STX8: variants seen among roughly 807,000 people sequenced by gnomAD.
The protein encoded by STX8 is syntaxin 8, also known as syntaxin-8.
A neutral mutation model predicts 37.5 loss-of-function variants in STX8; 23 were observed. The ratio of observed to expected loss-of-function variants is 0.61; its 90% CI spans 0.44 to 0.87. The LOEUF (loss-of-function observed/expected upper bound fraction) is 0.87. Among genes scored for constraint, STX8 ranks in the 40% least tolerant of loss-of-function variants. The probability of loss-of-function intolerance (pLI) is 0.00; values close to 1 mark genes in which losing one functional copy is unlikely to be tolerated. For missense variants in STX8, 313 were observed against 284.7 expected (o/e 1.10, Z -0.71); for synonymous variants, 115 against 99.1 (o/e 1.16, Z -0.95).
chr17:9,268,060 T>C (rs190893650), intron 7 of STX8, among the ~76,000 whole-genome samples: 184 of 151,660 alleles, frequency 1.2e-3, no homozygotes, highest in Non-Finnish European at 2.3e-3. Context: ...AGATTTGTTC[T>C]CACGGAAGGG....
intron 4 of STX8, among the ~76,000 whole-genome samples, chr17:9,543,256 ACT>A (rs1906354078): frequency 6.6e-6 from 1 of 150,712 alleles, no homozygotes; most frequent in African/African-American, 2.4e-5. Flanking sequence ...GACTAAAAAG[ACT>A]CTGCCTTCAG....
chr17:9,434,664 G>C (rs1437150630), intron 6 of STX8, among the ~76,000 whole-genome samples: 1 of 152,238 alleles, frequency 6.6e-6, no homozygotes, highest in East Asian at 1.9e-4. Context: ...CTTCACCCAG[G>C]AAAGAATTCA....
At chr17:9,446,683 C>T (rs1904862907) in intron 6 of STX8, among the ~76,000 whole-genome samples, 1 of 152,120 alleles carries the variant, frequency 6.6e-6, no homozygotes, top group African/African-American at 2.4e-5. Context: ...TAGCAGTTTC[C>T]AGAGAGTTGC....
rs542141625 is a variant in STX8 at position 9,266,265 on chromosome 17, G to C, written c.644-15620C>G. Reference sequence around the variant, plus strand: ...TGGCAGTGGGTGCCAGCACTTTCCAGAACAGGGGTGCCCCAGCCAGCGCAC... The same window carrying C: ...TGGCAGTGGGTGCCAGCACTTTCCACAACAGGGGTGCCCCAGCCAGCGCAC... On this transcript the variant is annotated intron_variant, in intron 7 of 7. Coordinates refer to ENST00000306357, the MANE Select transcript of STX8 (RefSeq NM_004853.3). 3.3e-4 allele frequency among the ~76,000 whole-genome samples: 50 copies of C among 152,308 alleles called. No homozygotes were observed. In the South Asian group the frequency reaches 6.4e-3, roughly 20 times the overall value.
intron 7 of STX8, among the ~76,000 whole-genome samples, chr17:9,325,545 A>G (rs561692179): frequency 2.0e-5 from 3 of 152,208 alleles, no homozygotes; most frequent in Admixed American, 6.5e-5. Context: ...TGCTGTTGCC[A>G]TCTTGACATT....
chr17:9,281,426 T>C (rs529279408), intron 7 of STX8, among the ~76,000 whole-genome samples: 6 of 152,074 alleles, frequency 3.9e-5, no homozygotes, highest in Non-Finnish European at 8.8e-5. Context: ...CTGGAGAAGA[T>C]CGTGAGCCTA....
At chr17:9,384,893 C>A (rs1911938906) in intron 6 of STX8, among the ~76,000 whole-genome samples, 1 of 147,234 alleles carries the variant, frequency 6.8e-6, no homozygotes, top group South Asian at 2.1e-4. Context: ...GCTGGAAAAA[C>A]TGGATATATG....
chr17:9,480,735 G>A (rs935567423), intron 6 of STX8, among the ~76,000 whole-genome samples: 3 of 152,160 alleles, frequency 2.0e-5, no homozygotes, highest in African/African-American at 7.2e-5. Context: ...GCCAGCCAAA[G>A]TCCGCTGAAT....
chr17:9,515,599 C>T (rs1216737565), intron 4 of STX8, among the ~76,000 whole-genome samples: 1 of 152,154 alleles, frequency 6.6e-6, no homozygotes, highest in Non-Finnish European at 1.5e-5. Context: ...CATCTCTCAC[C>T]ACACCCTTGA....
At chr17:9,454,125 T>A (rs912685616) in intron 6 of STX8, among the ~76,000 whole-genome samples, 1 of 152,262 alleles carries the variant, frequency 6.6e-6, no homozygotes, top group African/African-American at 2.4e-5. Context: ...ATTTCAGCTA[T>A]AGTCCTAAAA....
chr17:9,454,995 C>T (rs1382642492), intron 6 of STX8, among the ~76,000 whole-genome samples: 1 of 152,058 alleles, frequency 6.6e-6, no homozygotes, highest in East Asian at 1.9e-4. Flanking sequence ...GCGGGAGCAT[C>T]ACTTGAGGTC....
intron 6 of STX8, among the ~76,000 whole-genome samples, chr17:9,471,916 C>T (rs921593083): frequency 2.0e-5 from 3 of 152,148 alleles, no homozygotes; most frequent in Admixed American, 6.5e-5. Flanking sequence ...TCCATTCCCG[C>T]TATTCACAGT....
chr17:9,526,660 A>G (rs1317535005), intron 4 of STX8, among the ~76,000 whole-genome samples: 1 of 152,222 alleles, frequency 6.6e-6, no homozygotes. Context: ...TCAAGAGGTC[A>G]GGAAATCAAG....
chr17:9,368,474 C>G (rs1242855222), intron 7 of STX8, among the ~76,000 whole-genome samples: 1 of 152,112 alleles, frequency 6.6e-6, no homozygotes, highest in Non-Finnish European at 1.5e-5. Context: ...GCCTGGGTGA[C>G]AGAGCGAGAC....
intron 4 of STX8, among the ~76,000 whole-genome samples, chr17:9,528,284 T>C (rs146431028): frequency 1.4e-4 from 22 of 151,880 alleles, no homozygotes; most frequent in Non-Finnish European, 2.8e-4. Context: ...GTATGAACTT[T>C]TGAGTTACAC....
chr17:9,278,514 C>G (rs4791825), intron 7 of STX8, among the ~76,000 whole-genome samples: 6,437 of 151,374 alleles, frequency 0.043, 167 homozygotes, highest in South Asian at 0.057. Context: ...TAAGCAAGGG[C>G]GGCTATAGTG....
At chr17:9,397,709 C>A (rs1912453352) in intron 6 of STX8, among the ~76,000 whole-genome samples, 2 of 152,072 alleles carry the variant, frequency 1.3e-5, no homozygotes, top group African/African-American at 4.8e-5. Context: ...GGCACGGTAG[C>A]TCACACCTGT....
intron 7 of STX8, among the ~76,000 whole-genome samples, chr17:9,295,821 G>C (rs1484736365): frequency 8.2e-6 from 1 of 122,304 alleles, no homozygotes; most frequent in Admixed American, 8.2e-5. Context: ...AAGACAGGTG[G>C]ATCACCTGAG....
At chr17:9,448,266 C>T (rs779369550) in intron 6 of STX8, among the ~76,000 whole-genome samples, 6 of 151,954 alleles carry the variant, frequency 3.9e-5, no homozygotes, top group Non-Finnish European at 7.4e-5. Context: ...ACCCCCAAGA[C>T]AATATTTGAG....
Sources: gnomAD v4.1 joint callset for allele counts (sites outside exome capture counted in the v4.1 genomes callset) on GRCh38, gnomAD v4.1.1 for gene constraint, MANE v1.5 for transcripts, NCBI Gene and HGNC (gene_info 2026-07-23, HGNC 2026-07-21) for gene names.